Variants in ARHGAP32 observed in about 807,000 individuals in gnomAD.
The protein encoded by ARHGAP32 is Rho GTPase activating protein 32, also known as rho GTPase-activating protein 32.
ARHGAP32 carries 51 observed loss-of-function variants against 186.5 expected under a neutral mutation model. The observed-to-expected ratio is 0.27, with a 90% CI of 0.22 to 0.35. The LOEUF (loss-of-function observed/expected upper bound fraction) is 0.35. Ranked by LOEUF, ARHGAP32 falls within the 10% of genes least tolerant of loss-of-function variation. The probability of loss-of-function intolerance (pLI) is 1.00; values close to 1 mark genes in which losing one functional copy is unlikely to be tolerated. For missense variants in ARHGAP32, 2,186 were observed against 2,623.5 expected (o/e 0.83, Z 3.64); for synonymous variants, 950 against 964.3 (o/e 0.99, Z 0.27).
intron 1 of ARHGAP32, among the ~76,000 whole-genome samples, chr11:129,176,610 C>T (rs1943921423): frequency 6.6e-6 from 1 of 150,624 alleles, no homozygotes; most frequent in Non-Finnish European, 1.5e-5. Flanking sequence ...TGCAATCAAA[C>T]TAGAACTCAG....
chr11:129,187,598 C>T (rs1591683761), intron 1 of ARHGAP32, among the ~76,000 whole-genome samples: 1 of 151,530 alleles, frequency 6.6e-6, no homozygotes, highest in East Asian at 1.9e-4. Flanking sequence ...GATGGTTACC[C>T]CATCTTCCAT....
At chr11:129,087,304 C>G (rs891918914) in intron 6 of ARHGAP32, among the ~76,000 whole-genome samples, 3 of 152,130 alleles carry the variant, frequency 2.0e-5, no homozygotes, top group African/African-American at 7.2e-5. Flanking sequence ...ATGTTTATAG[C>G]AACTTTATTC....
rs574588108 is a variant in ARHGAP32, at chr11:129,153,003, A to G, written c.225+11316T>C. ...TAGAAAACCCTAATGACTCATCTAA[A>G]AAAGCTCCCAGATCTGATAAATAGA... On this transcript the variant is annotated intron_variant, in intron 2 of 22. Transcript: ENST00000682385. Among the ~76,000 whole-genome samples, 306 of 152,302 alleles carry G rather than the reference A, an allele frequency of 2.0e-3. 1 individual carries two copies. The highest frequency in any genetic ancestry group is 3.4e-3 in the Middle Eastern group (1 of 294).
rs1945286143 is a variant in ARHGAP32 at position 128,969,167 on chromosome 11, T to C, written c.6046A>G (p.Ser2016Gly). ...TGTGGTTGGTACTGGTACAGCACACTGGGGTCCCTCTCCACGTTCTGGGTA... is the reference window on the plus strand; with the variant it reads ...TGTGGTTGGTACTGGTACAGCACACCGGGGTCCCTCTCCACGTTCTGGGTA... ...HHTQNVERDPSVLYQYQPHGK... is the reference protein window; with the variant it reads ...HHTQNVERDPGVLYQYQPHGK... The change falls in exon 23 of 23, where the codon AGT becomes GGT. Residue 2016 changes from serine (S) to glycine (G), a missense_variant. Coordinates refer to ENST00000682385, the MANE Select transcript of ARHGAP32 (RefSeq NM_001378024.1). The surrounding 1 kb of genome is among the most constrained non-coding windows in gnomAD (Gnocchi z 4.8). The C allele has an allele frequency of 1.9e-6, 3 of 1,613,342 alleles. No individual in the cohort carries two copies. The highest frequency in any genetic ancestry group is 1.1e-5 in the South Asian group (1 of 90,842).
At position 129,200,077 on chromosome 11, in the gene ARHGAP32, A is replaced by G. The variant is rs538874694; in HGVS notation, c.-4-35650T>C. Reference sequence around the variant, plus strand: ...GTTTGGCCAATTTTTCCCATTTGGAACAGCTGTATTTACCCAATGCCTGTA... The same window carrying G: ...GTTTGGCCAATTTTTCCCATTTGGAGCAGCTGTATTTACCCAATGCCTGTA... On this transcript the variant is annotated intron_variant, in intron 1 of 6. Transcript: ENST00000525234. Among the ~76,000 whole-genome samples the G allele has an allele frequency of 3.9e-3, 589 of 152,236 alleles. 2 individuals are homozygous for G. Among genetic ancestry groups the G allele is most frequent in the African/African-American group, 0.014 (563 of 41,532 alleles).
In ARHGAP32 at chr11:129,192,300, C is replaced by CT; in HGVS notation, c.-103dup. The stretch of plus-strand genomic sequence containing the variant: ...TACTCATGTATACTCAGATGTGTGT[C>CT]TGGTGCCCTAGTGACAGGTACTGGT... On this transcript the variant is annotated 5_prime_UTR_variant, in exon 1 of 23. Coordinates refer to ENST00000682385, the MANE Select transcript of ARHGAP32 (RefSeq NM_001378024.1). The CT allele has an allele frequency of 1.3e-6, 1 of 787,686 alleles. No homozygotes were observed. The highest frequency in any genetic ancestry group is 2.2e-6 in the Non-Finnish European group (1 of 464,624). 48.8% of individuals were successfully genotyped at this position (787,686 alleles called of 1,614,324 possible).
intron 11 of ARHGAP32, among the ~76,000 whole-genome samples, chr11:129,010,020 G>A (rs545078731): frequency 2.6e-5 from 4 of 152,280 alleles, no homozygotes; most frequent in Admixed American, 1.3e-4. Context: ...TCTGACTGGC[G>A]TGAGATGGTA....
At chr11:129,049,797 G>A (rs896501142) in intron 10 of ARHGAP32, among the ~76,000 whole-genome samples, 3 of 152,106 alleles carry the variant, frequency 2.0e-5, no homozygotes, top group Non-Finnish European at 2.9e-5. Context: ...TATTAGGGTC[G>A]TTTCCAGTTT....
chr11:129,055,260 A>G (rs542087243), intron 10 of ARHGAP32, among the ~76,000 whole-genome samples: 1 of 152,168 alleles, frequency 6.6e-6, no homozygotes, highest in East Asian at 1.9e-4. Context: ...TAGAATGGCT[A>G]TTTTTTTTAA....
At chr11:129,261,841 A>G (rs758132622) in intron 1 of ARHGAP32, among the ~76,000 whole-genome samples, 3 of 152,214 alleles carry the variant, frequency 2.0e-5, no homozygotes, top group Non-Finnish European at 4.4e-5. Context: ...AAACCAAAAC[A>G]TATTAGAATC....
intron 2 of ARHGAP32, chr11:129,125,997 A>T: frequency 4.6e-6 from 2 of 433,452 alleles, no homozygotes; most frequent in Non-Finnish European, 9.1e-6. Flanking sequence ...ATATGAGGTA[A>T]CATCTTGTCT....
At chr11:129,115,528 T>C (rs1409768784) in intron 5 of ARHGAP32, among the ~76,000 whole-genome samples, 2 of 152,114 alleles carry the variant, frequency 1.3e-5, no homozygotes, top group Non-Finnish European at 2.9e-5. Flanking sequence ...CAGTTCACTG[T>C]GATGCCCATC....
chr11:129,059,856 C>T lies in ARHGAP32; in HGVS notation c.963+2424G>A, dbSNP rs573326704. Among the ~76,000 whole-genome samples the T allele has an allele frequency of 3.9e-5, 6 of 152,162 alleles. No homozygotes were observed. The South Asian group carries it at 8.3e-4, about 21-fold the overall frequency. On this transcript the variant is annotated intron_variant, in intron 10 of 22. Coordinates refer to ENST00000682385, the MANE Select transcript of ARHGAP32 (RefSeq NM_001378024.1). Reference sequence around the variant, plus strand: ...ATTTAAAGACTTGTTCCTGGTTACACGGGCACCCCCCACATCAATACCTCT... The same window carrying T: ...ATTTAAAGACTTGTTCCTGGTTACATGGGCACCCCCCACATCAATACCTCT...
intron 1 of ARHGAP32, among the ~76,000 whole-genome samples, chr11:129,234,947 T>G (rs540410528): frequency 6.6e-6 from 1 of 152,142 alleles, no homozygotes. Flanking sequence ...CCCCAAAAAA[T>G]ATATATCCAC....
intron 1 of ARHGAP32, among the ~76,000 whole-genome samples, chr11:129,238,780 C>CAT (rs1944975040): frequency 7.5e-6 from 1 of 133,832 alleles, no homozygotes; most frequent in Admixed American, 7.8e-5. Context: ...CACACACACA[C>CAT]ACCTCTAACC....
At chr11:129,179,099 A>T (rs1175053867) in intron 1 of ARHGAP32, among the ~76,000 whole-genome samples, 1 of 151,896 alleles carries the variant, frequency 6.6e-6, no homozygotes, top group East Asian at 1.9e-4. Context: ...ATTTACAAGA[A>T]AAAAACAAAC....
At chr11:129,125,036 A>C in intron 2 of ARHGAP32, 142 bp from the exon 3 acceptor site, 1 of 540,982 alleles carries the variant, frequency 1.8e-6, no homozygotes, top group South Asian at 3.0e-5. Flanking sequence ...AAAATTACTG[A>C]GTTTTAATTA....
In ARHGAP32 at chr11:129,063,886, C is replaced by A; in HGVS notation, c.885+16G>T. The A allele has an allele frequency of 6.3e-7, 1 of 1,590,454 alleles. No homozygotes were observed. Among genetic ancestry groups the A allele is most frequent in the Non-Finnish European group, 8.5e-7 (1 of 1,171,614 alleles). ...TAGCAAGAACCAAATAACAAACAAC[C>A]ACTTTAACTATTTACCTCTAAGGTC... On this transcript the variant is annotated intron_variant, in intron 9 of 22. Coordinates refer to ENST00000682385, the MANE Select transcript of ARHGAP32 (RefSeq NM_001378024.1).
intron 1 of ARHGAP32, among the ~76,000 whole-genome samples, chr11:129,226,741 GTA>G (rs1433642967): frequency 6.6e-6 from 1 of 152,028 alleles, no homozygotes; most frequent in Admixed American, 6.6e-5. Context: ...CATGATCCAA[GTA>G]TATGTTTCTA....
Sources: gnomAD v4.1 joint callset for allele counts (sites outside exome capture counted in the v4.1 genomes callset) on GRCh38, gnomAD v4.1.1 for gene constraint, Gnocchi (gnomAD v3.1) non-coding constraint, MANE v1.5 for transcripts, NCBI Gene and HGNC (gene_info 2026-07-23, HGNC 2026-07-21) for gene names.